The following GPC6 variants were observed in gnomAD, a reference collection of about 807,000 sequenced individuals.
GPC6 encodes glypican 6.
In GPC6, 14 loss-of-function variants were observed where a neutral mutation model predicts 55.2. The ratio of observed to expected loss-of-function variants is 0.25; its 90% CI spans 0.17 to 0.40. The LOEUF (loss-of-function observed/expected upper bound fraction) is 0.40. Among genes scored for constraint, GPC6 ranks in the 10% least tolerant of loss-of-function variants. The probability of loss-of-function intolerance (pLI) is 1.00; values close to 1 mark genes in which losing one functional copy is unlikely to be tolerated. For missense variants in GPC6, 641 were observed against 708.5 expected (o/e 0.90, Z 1.08); for synonymous variants, 278 against 259.6 (o/e 1.07, Z -0.68).
At chr13:93,338,015 C>T (rs1880106886) in intron 1 of GPC6, among the ~76,000 whole-genome samples, 1 of 152,144 alleles carries the variant, frequency 6.6e-6, no homozygotes. Context: ...AAAGGCCTCC[C>T]TATTACCCTT....
At chr13:94,213,330 G>A (rs186384979) in intron 4 of GPC6, among the ~76,000 whole-genome samples, 34 of 152,226 alleles carry the variant, frequency 2.2e-4, no homozygotes, top group Non-Finnish European at 2.9e-4. Flanking sequence ...ATAGGTGATC[G>A]TTCTCAATTG....
intron 6 of GPC6, among the ~76,000 whole-genome samples, chr13:94,355,027 C>G (rs901305015): frequency 6.9e-6 from 1 of 145,738 alleles, no homozygotes; most frequent in Non-Finnish European, 1.5e-5. Context: ...AGTGGCTCTT[C>G]TTTTTTTTTT....
At chr13:93,843,473 T>C (rs1888035836) in intron 3 of GPC6, among the ~76,000 whole-genome samples, 1 of 152,138 alleles carries the variant, frequency 6.6e-6, no homozygotes, top group African/African-American at 2.4e-5. Context: ...CAAAAAAATG[T>C]GTGGTAGAAA....
At chr13:93,960,852 G>A (rs577419197) in intron 3 of GPC6, among the ~76,000 whole-genome samples, 269 of 133,570 alleles carry the variant, frequency 2.0e-3, no homozygotes, top group Middle Eastern at 9.3e-3. Context: ...TTGCTCTGTC[G>A]CCCAGGCTAG....
chr13:93,532,679 G>T (rs1459428598), intron 1 of GPC6, among the ~76,000 whole-genome samples: 1 of 152,000 alleles, frequency 6.6e-6, no homozygotes, highest in African/African-American at 2.4e-5. Flanking sequence ...CTTCTTCTAT[G>T]CTCATCCTCA....
intron 3 of GPC6, among the ~76,000 whole-genome samples, chr13:93,860,062 C>T: frequency 6.6e-6 from 1 of 151,676 alleles, no homozygotes; most frequent in Non-Finnish European, 1.5e-5. Context: ...TGTCCTCCTT[C>T]TTCCTTCCCA....
chr13:94,148,626 T>C (rs1887638515), intron 4 of GPC6, among the ~76,000 whole-genome samples: 1 of 152,182 alleles, frequency 6.6e-6, no homozygotes. Flanking sequence ...CCATTACATG[T>C]TATTTTGACA....
At chr13:93,558,508 T>A (rs1379410089) in intron 2 of GPC6, among the ~76,000 whole-genome samples, 2 of 152,130 alleles carry the variant, frequency 1.3e-5, no homozygotes, top group African/African-American at 4.8e-5. Context: ...AACATGGAAA[T>A]AGGATTGAAG....
At chr13:94,336,641 C>T (rs1032081330) in intron 6 of GPC6, among the ~76,000 whole-genome samples, 1 of 152,024 alleles carries the variant, frequency 6.6e-6, no homozygotes, top group Non-Finnish European at 1.5e-5. Context: ...ATATAGTGAC[C>T]TTCCGTGAAA....
In GPC6 at chr13:94,305,971, T is replaced by G. The variant is rs780717090; in HGVS notation, c.1009-9T>G. ...TATAGCTGTTTTTACTTTTCAATGG[T>G]TCTTCCAGGTCTTTCAGGGATGTGG... On this transcript the variant is annotated splice_polypyrimidine_tract_variant and intron_variant, in intron 5 of 8. Transcript: ENST00000377047. The G allele has an allele frequency of 8.1e-6, 13 of 1,613,970 alleles. No individual in the cohort carries two copies. Among genetic ancestry groups the G allele is most frequent in the Middle Eastern group, 3.3e-4 (2 of 6,060 alleles).
chr13:94,213,502 G>A (rs190062386), intron 4 of GPC6, among the ~76,000 whole-genome samples: 37 of 152,260 alleles, frequency 2.4e-4, no homozygotes, highest in Admixed American at 1.8e-3. Context: ...AGCTTTTGGG[G>A]CTTAAATCAG....
At chr13:94,356,098 C>T (rs9589966) in intron 6 of GPC6, among the ~76,000 whole-genome samples, 7,355 of 151,842 alleles carry the variant, frequency 0.048, 579 homozygotes, top group African/African-American at 0.17. Flanking sequence ...CAGCTCCATC[C>T]ATGTCCCTGC....
intron 1 of GPC6, among the ~76,000 whole-genome samples, chr13:93,418,505 A>G (rs189708380): frequency 3.8e-4 from 57 of 151,516 alleles, no homozygotes; most frequent in Non-Finnish European, 1.9e-4. Flanking sequence ...TATTTTATTA[A>G]TAGCACTATA....
intron 2 of GPC6, among the ~76,000 whole-genome samples, chr13:93,681,590 A>G (rs866056025): frequency 7.2e-5 from 11 of 152,318 alleles, no homozygotes; most frequent in Middle Eastern, 3.4e-3. Flanking sequence ...TCATATTTCT[A>G]TGTTACCTAG....
Position 93,809,372 on chromosome 13 carries a change from A to G in GPC6, c.320-20782A>G, listed in dbSNP as rs117462748. Among the ~76,000 whole-genome samples, 1,113 of 152,292 alleles carry G rather than the reference A, an allele frequency of 7.3e-3. 7 individuals are homozygous for G. Among genetic ancestry groups the G allele is most frequent in the Non-Finnish European group, 0.012 (824 of 68,030 alleles). On this transcript the variant is annotated intron_variant, in intron 2 of 8. Coordinates refer to ENST00000377047, the MANE Select transcript of GPC6 (RefSeq NM_005708.5). The stretch of plus-strand genomic sequence containing the variant: ...TCAGTTAAGACTTTCTTTAAATTCA[A>G]TTTGCATAATGAAAGGCTCTTGTTT...
intron 3 of GPC6, among the ~76,000 whole-genome samples, chr13:93,931,827 A>G (rs979105555): frequency 1.3e-5 from 2 of 151,876 alleles, no homozygotes; most frequent in Non-Finnish European, 2.9e-5. Flanking sequence ...ACAGTGCTCA[A>G]TGGTTTCTTC....
At position 94,382,505 on chromosome 13, in the gene GPC6, G is replaced by T; in HGVS notation, c.1244G>T (p.Gly415Val). ...TICKDESVTA[G>V]TSNEEECWNG... ...TGCAAGGACGAGAGCGTGACAGCGG[G>T]CACGTCCAACGAGGAGGAATGCTGG... is the stretch of plus-strand genomic sequence containing the variant. Residue 415 changes from glycine (G) to valine (V), a missense_variant, in exon 7 of 9, where the codon GGC becomes GTC. By Grantham distance (109) the Gly-to-Val change is moderately radical (BLOSUM62 -3). Coordinates refer to ENST00000377047, the MANE Select transcript of GPC6 (RefSeq NM_005708.5). 6.2e-7 allele frequency: 1 copy of T among 1,614,186 alleles called. No individual in the cohort carries two copies.
chr13:94,397,500 C>A (rs913925858), intron 7 of GPC6, among the ~76,000 whole-genome samples: 1 of 152,142 alleles, frequency 6.6e-6, no homozygotes, highest in African/African-American at 2.4e-5. Flanking sequence ...TCTACCTAAT[C>A]GAACCCAAGA....
intron 4 of GPC6, among the ~76,000 whole-genome samples, chr13:94,167,434 A>AT (rs1888406665): frequency 6.6e-6 from 1 of 152,172 alleles, no homozygotes; most frequent in African/African-American, 2.4e-5. Context: ...ACCCTACCTC[A>AT]TTATGTTTAA....
Sources: allele counts gnomAD v4.1 joint callset (sites outside exome capture counted in the v4.1 genomes callset), GRCh38; gene constraint gnomAD v4.1.1; transcripts MANE v1.5; gene names NCBI Gene and HGNC (gene_info 2026-07-23, HGNC 2026-07-21).